GPR39: variants seen among roughly 807,000 people sequenced by gnomAD.
GPR39 encodes zinc sensing receptor.
In GPR39, 23 loss-of-function variants were observed where a neutral mutation model predicts 18.4. The observed-to-expected ratio is 1.25, with a 90% CI of 0.90 to 1.77. GPR39 has a LOEUF of 1.77. Ranked by LOEUF, GPR39 falls within the 40% of genes most tolerant of loss-of-function variation. The pLI is 0.00. For missense variants in GPR39, 647 were observed against 602.4 expected (o/e 1.07, Z -0.78); for synonymous variants, 280 against 257.9 (o/e 1.09, Z -0.82).
intron 1 of GPR39, among the ~76,000 whole-genome samples, chr2:132,529,343 C>G (rs1437367886): frequency 6.6e-6 from 1 of 152,224 alleles, no homozygotes; most frequent in African/African-American, 2.4e-5. Flanking sequence ...AGTAGGTAAA[C>G]AAAGTGGCCA....
chr2:132,546,994 G>A (rs939927269), intron 1 of GPR39, among the ~76,000 whole-genome samples: 1 of 152,020 alleles, frequency 6.6e-6, no homozygotes, highest in Non-Finnish European at 1.5e-5. Flanking sequence ...AATTCAAGGG[G>A]GTATTTTCAA....
chr2:132,419,334 G>C lies in GPR39; in HGVS notation c.856+1436G>C, dbSNP rs1679966118. Reference sequence around the variant, plus strand: ...GAATTTGAGACTTAGAGAAGACCTAGTTCAGAATCACCTCAGTGCAGCTCA... The same window carrying C: ...GAATTTGAGACTTAGAGAAGACCTACTTCAGAATCACCTCAGTGCAGCTCA... On this transcript the variant is annotated intron_variant, in intron 1 of 1. Transcript: ENST00000329321. 3.3e-5 allele frequency among the ~76,000 whole-genome samples: 5 copies of C among 152,206 alleles called. 1 individual carries two copies. The highest frequency in any genetic ancestry group is 3.3e-4 in the Admixed American group (5 of 15,286).
At chr2:132,585,479 C>G (rs1299995267) in intron 1 of GPR39, among the ~76,000 whole-genome samples, 1 of 152,212 alleles carries the variant, frequency 6.6e-6, no homozygotes, top group Non-Finnish European at 1.5e-5. Flanking sequence ...CCGCTTCTCC[C>G]GTGACTGATG....
intron 1 of GPR39, among the ~76,000 whole-genome samples, chr2:132,625,039 C>T (rs953736184): frequency 1.9e-4 from 29 of 151,274 alleles, no homozygotes; most frequent in African/African-American, 4.4e-4. Context: ...TTACAACCCA[C>T]GCTGGCAGTG....
chr2:132,529,870 G>C (rs1488503174), intron 1 of GPR39, among the ~76,000 whole-genome samples: 1 of 152,132 alleles, frequency 6.6e-6, no homozygotes, highest in Non-Finnish European at 1.5e-5. Context: ...CATCATCAAA[G>C]ACCAAAGGTA....
intron 1 of GPR39, among the ~76,000 whole-genome samples, chr2:132,528,559 T>G (rs1679553368): frequency 6.6e-6 from 1 of 152,232 alleles, no homozygotes; most frequent in South Asian, 2.1e-4. Flanking sequence ...TTCCTATCTA[T>G]GAGGATGGAA....
chr2:132,492,191 CATACCATATAT>C (rs1259005341), intron 1 of GPR39, among the ~76,000 whole-genome samples: 4 of 144,654 alleles, frequency 2.8e-5, no homozygotes, highest in Non-Finnish European at 6.0e-5. Flanking sequence ...CATATATATA[CATACCATATAT>C]ATACCATATA....
At chr2:132,434,831 A>G (rs1413735086) in intron 1 of GPR39, among the ~76,000 whole-genome samples, 4 of 152,222 alleles carry the variant, frequency 2.6e-5, no homozygotes, top group Non-Finnish European at 4.4e-5. Context: ...TGGATATGGC[A>G]AAACATCAGG....
At chr2:132,451,047 A>G (rs1040581433) in intron 1 of GPR39, among the ~76,000 whole-genome samples, 3 of 152,150 alleles carry the variant, frequency 2.0e-5, no homozygotes, top group African/African-American at 7.2e-5. Context: ...CAGGTGCTTG[A>G]ACAGAAATGC....
At chr2:132,437,688 C>T (rs1417070447) in intron 1 of GPR39, among the ~76,000 whole-genome samples, 3 of 152,136 alleles carry the variant, frequency 2.0e-5, no homozygotes, top group East Asian at 3.9e-4. Context: ...TACTGGGCCT[C>T]GTAGGTATCC....
At chr2:132,538,236 TTTGTTGTTG>T (rs917474278) in intron 1 of GPR39, among the ~76,000 whole-genome samples, 2 of 152,024 alleles carry the variant, frequency 1.3e-5, no homozygotes, top group Non-Finnish European at 2.9e-5. Flanking sequence ...TTTTTGTATT[TTTGTTGTTG>T]TTGTTGTTGT....
intron 1 of GPR39, among the ~76,000 whole-genome samples, chr2:132,545,013 C>T (rs1459260104): frequency 1.3e-5 from 2 of 152,198 alleles, no homozygotes; most frequent in Non-Finnish European, 2.9e-5. Context: ...GGAAAGTACA[C>T]CCAAGGGGAA....
At chr2:132,547,318 C>T (rs946447002) in intron 1 of GPR39, among the ~76,000 whole-genome samples, 4 of 152,160 alleles carry the variant, frequency 2.6e-5, no homozygotes, top group African/African-American at 4.8e-5. Context: ...ACATTAATTC[C>T]GGTCTTGTGA....
chr2:132,464,127 G>T (rs111393965), intron 1 of GPR39, among the ~76,000 whole-genome samples: 1 of 152,186 alleles, frequency 6.6e-6, no homozygotes, highest in African/African-American at 2.4e-5. Flanking sequence ...TAAAAATCAC[G>T]TAGTTCTTAT....
intron 1 of GPR39, among the ~76,000 whole-genome samples, chr2:132,577,654 C>A (rs1007824451): frequency 2.0e-5 from 3 of 152,068 alleles, no homozygotes; most frequent in African/African-American, 7.2e-5. Flanking sequence ...CTGTAAGTGG[C>A]ATTGTCTTTT....
intron 1 of GPR39, among the ~76,000 whole-genome samples, chr2:132,438,073 C>A (rs150359868): frequency 6.6e-6 from 1 of 152,270 alleles, no homozygotes; most frequent in Admixed American, 6.5e-5. Flanking sequence ...AGGGAAGGGA[C>A]GGAGTGTTGC....
intron 1 of GPR39, among the ~76,000 whole-genome samples, chr2:132,586,824 C>T (rs1680739649): frequency 1.3e-5 from 2 of 152,232 alleles, no homozygotes; most frequent in Non-Finnish European, 2.9e-5. Context: ...TGTCTTTCTT[C>T]ATGTACCTGG....
At chr2:132,436,527 A>G (rs984038797) in intron 1 of GPR39, among the ~76,000 whole-genome samples, 1 of 152,218 alleles carries the variant, frequency 6.6e-6, no homozygotes, top group Admixed American at 6.5e-5. Flanking sequence ...CATTTTAATA[A>G]TAATAATGAG....
intron 1 of GPR39, among the ~76,000 whole-genome samples, chr2:132,437,385 T>C (rs1467612179): frequency 6.6e-6 from 1 of 152,206 alleles, no homozygotes; most frequent in African/African-American, 2.4e-5. Flanking sequence ...TACTCCTTCA[T>C]AGATGCTCCT....
Sources: gnomAD v4.1 joint callset for allele counts (sites outside exome capture counted in the v4.1 genomes callset) on GRCh38, gnomAD v4.1.1 for gene constraint, MANE v1.5 for transcripts, NCBI Gene and HGNC (gene_info 2026-07-23, HGNC 2026-07-21) for gene names.